Variants in EPB41 observed in about 807,000 individuals in gnomAD.
The protein encoded by EPB41 is protein 4.1.
A neutral mutation model predicts 108.0 loss-of-function variants in EPB41; 65 were observed. That is an observed-to-expected ratio of 0.60 (90% CI 0.49 to 0.74). The LOEUF (loss-of-function observed/expected upper bound fraction) is 0.74. EPB41 is among the 30% of genes least tolerant of loss of function. EPB41 has a pLI of 0.00. For synonymous variants in EPB41, 336 were observed against 358.9 expected, an observed-to-expected ratio of 0.94 and a Z score of 0.72; for missense variants, 875 against 1,037.0, an observed-to-expected ratio of 0.84 and a Z score of 2.15.
intron 16 of EPB41, 132 bp from the exon 17 acceptor site, chr1:29,097,675 G>T: frequency 9.0e-7 from 1 of 1,111,580 alleles, no homozygotes; most frequent in Non-Finnish European, 1.3e-6. Flanking sequence ...CTTAGGCAGG[G>T]TAAACACCTT....
chr1:28,935,468 C>CACACACACACACACACACACA lies in EPB41; in HGVS notation c.-8+20700_-8+20701insACACACACACACACACACACA, dbSNP rs1491193201. Among the ~76,000 whole-genome samples, 270 of 42,168 alleles carry CACACACACACACACACACACA rather than the reference C, an allele frequency of 6.4e-3. 22 individuals are homozygous for CACACACACACACACACACACA. Among genetic ancestry groups the CACACACACACACACACACACA allele is most frequent in the African/African-American group, 7.1e-3 (93 of 13,136 alleles). 27.7% of individuals were successfully genotyped at this position (42,168 alleles called of 152,430 possible). A position where few individuals can be genotyped will look rare whatever the true frequency, so the allele number is the denominator to read the frequency against. On this transcript the variant is annotated intron_variant, in intron 1 of 20. Coordinates refer to ENST00000343067, the MANE Select transcript of EPB41 (RefSeq NM_001376013.1). ...ACACACACACACACACACACACACA[C>CACACACACACACACACACACA]CCCCCCCCCCCCAAGATCTACGCAC... is the stretch of plus-strand genomic sequence containing the variant.
chr1:29,025,619 T>C (rs2096709107), intron 7 of EPB41, among the ~76,000 whole-genome samples: 1 of 152,072 alleles, frequency 6.6e-6, no homozygotes, highest in Non-Finnish European at 1.5e-5. Flanking sequence ...CTTTCAAATA[T>C]ATGTGTTGTG....
At chr1:28,996,260 A>G (rs1557960405) in intron 3 of EPB41, among the ~76,000 whole-genome samples, 1 of 152,216 alleles carries the variant, frequency 6.6e-6, no homozygotes, top group East Asian at 1.9e-4. Flanking sequence ...ATAGGAGTAA[A>G]AGAACCCAAA....
chr1:29,092,585 G>A (rs974022883), intron 16 of EPB41, among the ~76,000 whole-genome samples: 1 of 152,024 alleles, frequency 6.6e-6, no homozygotes, highest in Admixed American at 6.6e-5. Flanking sequence ...AGGTACACGC[G>A]CAGGTTTGTT....
intron 16 of EPB41, among the ~76,000 whole-genome samples, chr1:29,090,655 C>T (rs1184950604): frequency 2.0e-5 from 3 of 152,188 alleles, no homozygotes; most frequent in Non-Finnish European, 4.4e-5. Flanking sequence ...GAGGCTGAGG[C>T]AAGAGAATCG....
intron 16 of EPB41, among the ~76,000 whole-genome samples, chr1:29,089,932 G>A (rs767185452): frequency 3.4e-4 from 52 of 152,242 alleles, no homozygotes; most frequent in Admixed American, 6.6e-4. Context: ...AAGAAAAACC[G>A]TTGAGGGCAT....
chr1:29,082,283 C>T (rs1657031009), intron 16 of EPB41, among the ~76,000 whole-genome samples: 2 of 152,188 alleles, frequency 1.3e-5, no homozygotes, highest in South Asian at 4.1e-4. Context: ...CGCCACCACG[C>T]CTGGCTAATT....
chr1:29,003,675 G>A (rs917175164), intron 4 of EPB41, among the ~76,000 whole-genome samples: 4 of 152,160 alleles, frequency 2.6e-5, no homozygotes, highest in African/African-American at 9.7e-5. Flanking sequence ...ATTTAGCAGG[G>A]AGGAAAGTTT....
Position 29,115,837 on chromosome 1 carries a change from C to T in EPB41, c.*6+34C>T. On this transcript the variant is annotated intron_variant, in intron 20 of 20. Coordinates refer to ENST00000343067, the MANE Select transcript of EPB41 (RefSeq NM_001376013.1). The surrounding 1 kb of genome is among the most constrained non-coding windows in gnomAD (Gnocchi z 4.4). Reference sequence around the variant, plus strand: ...CGTTCCTGCTGGGGCTGAGGGTGCCCACAGTCCCAGCCTGAGAGGGCTCTG... The same window carrying T: ...CGTTCCTGCTGGGGCTGAGGGTGCCTACAGTCCCAGCCTGAGAGGGCTCTG... 1 of 1,545,222 alleles carries T rather than the reference C, an allele frequency of 6.5e-7. No homozygotes were observed. Among genetic ancestry groups the T allele is most frequent in the Non-Finnish European group, 8.9e-7 (1 of 1,118,122 alleles).
intron 17 of EPB41, among the ~76,000 whole-genome samples, chr1:29,103,034 A>G (rs1665982627): frequency 6.6e-6 from 1 of 152,078 alleles, no homozygotes; most frequent in Non-Finnish European, 1.5e-5. Context: ...TGGCCTCCCA[A>G]AGTGCTGGGA....
At chr1:29,044,740 T>C (rs1395355671) in intron 11 of EPB41, among the ~76,000 whole-genome samples, 1 of 152,148 alleles carries the variant, frequency 6.6e-6, no homozygotes, top group Non-Finnish European at 1.5e-5. Flanking sequence ...AATTCCCAGC[T>C]ACTCAGGACG....
intron 18 of EPB41, among the ~76,000 whole-genome samples, chr1:29,111,741 G>T (rs1474990820): frequency 6.6e-6 from 1 of 152,164 alleles, no homozygotes; most frequent in Non-Finnish European, 1.5e-5. Flanking sequence ...CACTTTGGGA[G>T]GCTGAGGTGG....
chr1:28,935,353 TGAGCCTGAGAGGCAGAGGTTGCA>T (rs2093952556), intron 1 of EPB41, among the ~76,000 whole-genome samples: 1 of 147,292 alleles, frequency 6.8e-6, no homozygotes, highest in South Asian at 2.2e-4. Context: ...AAGAATTGCT[TGAGCCTGAGAGGCAGAGGTTGCA>T]GAGAGCCAAG....
intron 2 of EPB41, among the ~76,000 whole-genome samples, chr1:28,990,652 C>A (rs181378729): frequency 3.9e-5 from 6 of 152,002 alleles, no homozygotes; most frequent in African/African-American, 1.2e-4. Context: ...CTCCTGAACT[C>A]GAGCAATCCT....
rs143295410 is a variant in EPB41 at position 29,034,183 on chromosome 1, C to T, written c.1365+938C>T. ...ATGCCTAGCACAGAGCAGTCAGTGT[C>T]TTCCCTTAAAATTTCAAATTCAAGA... On this transcript the variant is annotated intron_variant, in intron 9 of 20. Transcript: ENST00000343067. Among the ~76,000 whole-genome samples, 1,289 of 152,302 alleles carry T rather than the reference C, an allele frequency of 8.5e-3. 11 individuals are homozygous for T. Among genetic ancestry groups the T allele is most frequent in the Middle Eastern group, 0.078 (23 of 294 alleles).
At chr1:28,989,764 G>A (rs531228523) in intron 2 of EPB41, among the ~76,000 whole-genome samples, 1 of 152,234 alleles carries the variant, frequency 6.6e-6, no homozygotes, top group East Asian at 1.9e-4. Flanking sequence ...TTCCTCCTCT[G>A]TACAATGGGG....
chr1:28,999,570 A>G (rs547969676), intron 4 of EPB41, among the ~76,000 whole-genome samples: 1 of 152,266 alleles, frequency 6.6e-6, no homozygotes, highest in Non-Finnish European at 1.5e-5. Context: ...CGTGTTTAAT[A>G]TGGCTGGAAA....
chr1:28,996,969 A>G (rs978718370), intron 3 of EPB41, among the ~76,000 whole-genome samples: 1 of 152,036 alleles, frequency 6.6e-6, no homozygotes, highest in Non-Finnish European at 1.5e-5. Flanking sequence ...CCCGGGCAAC[A>G]TAATGAGACT....
intron 1 of EPB41, among the ~76,000 whole-genome samples, chr1:28,930,339 T>A (rs1445316424): frequency 1.3e-5 from 2 of 149,730 alleles, no homozygotes; most frequent in African/African-American, 4.9e-5. Flanking sequence ...AAAAAAAAAT[T>A]TTTTTTTTTA....
Sources: allele counts gnomAD v4.1 joint callset (sites outside exome capture counted in the v4.1 genomes callset), GRCh38; gene constraint gnomAD v4.1.1; non-coding constraint Gnocchi (gnomAD v3.1); transcripts MANE v1.5; gene names NCBI Gene and HGNC (gene_info 2026-07-23, HGNC 2026-07-21).